PRMT7: variants seen among roughly 807,000 people sequenced by gnomAD.
PRMT7 encodes the protein protein arginine methyltransferase 7.
PRMT7 carries 75 observed loss-of-function variants against 85.4 expected under a neutral mutation model. That is an observed-to-expected ratio of 0.88 (90% CI 0.73 to 1.06). The LOEUF (loss-of-function observed/expected upper bound fraction) is 1.06. PRMT7 is among the 50% of genes least tolerant of loss of function. The pLI is 0.00. For synonymous variants in PRMT7, 397 were observed against 359.5 expected (o/e 1.10, Z -1.18); for missense variants, 868 against 915.2 (o/e 0.95, Z 0.67).
In PRMT7 at chr16:68,358,329, G is replaced by C. The variant is rs1420520398; in HGVS notation, c.*1105G>C. ...GAAATAAGTGGAGAACACCAGCCTT[G>C]AGCCTCACAGTTTTATTTTCTCCTC... On this transcript the variant is annotated 3_prime_UTR_variant, in exon 19 of 19. Coordinates refer to ENST00000441236, the MANE Select transcript of PRMT7 (RefSeq NM_019023.5). 6.5e-6 allele frequency: 1 copy of C among 152,754 alleles called. No individual in the cohort carries two copies. Among genetic ancestry groups the C allele is most frequent in the Non-Finnish European group, 1.5e-5 (1 of 68,046 alleles). 9.5% of individuals were successfully genotyped at this position (152,754 alleles called of 1,614,324 possible). A position where few individuals can be genotyped will look rare whatever the true frequency, so the allele number is the denominator to read the frequency against.
chr16:68,331,645 A>AT (rs1471692370), intron 6 of PRMT7, among the ~76,000 whole-genome samples: 9 of 150,642 alleles, frequency 6.0e-5, no homozygotes, highest in Non-Finnish European at 1.0e-4. Context: ...CTTAAAAAAA[A>AT]TTTTTTTTTG....
chr16:68,337,521 G>T lies in PRMT7; in HGVS notation c.454G>T (p.Gly152Trp). The T allele has an allele frequency of 6.2e-7, 1 of 1,611,780 alleles. No individual in the cohort carries two copies. The highest frequency in any genetic ancestry group is 8.5e-7 in the Non-Finnish European group (1 of 1,178,406). Reference sequence around the variant, plus strand: ...AGAGTTGTTTGACACAGAGCTGATCGGGGAGGGGGCGCTGCCCTCCTATGA... The same window carrying T: ...AGAGTTGTTTGACACAGAGCTGATCTGGGAGGGGGCGCTGCCCTCCTATGA... Reference protein sequence around the residue: ...VTELFDTELIGEGALPSYEHA... With the variant: ...VTELFDTELIWEGALPSYEHA... The change falls in exon 7 of 19, where the codon GGG becomes TGG. Residue 152 changes from glycine to tryptophan, a missense_variant. Coordinates refer to ENST00000441236, the MANE Select transcript of PRMT7 (RefSeq NM_019023.5).
At chr16:68,312,229 A>ATATATTT (rs1419393129) in intron 2 of PRMT7, 53 bp downstream of exon 2, 50 of 112,678 alleles carry the variant, frequency 4.4e-4, no homozygotes, top group Middle Eastern at 4.3e-3. Context: ...ATATATATAT[A>ATATATTT]TTTTTTTTTT....
intron 7 of PRMT7, among the ~76,000 whole-genome samples, chr16:68,337,860 T>G (rs970976990): frequency 6.6e-5 from 10 of 152,228 alleles, no homozygotes; most frequent in African/African-American, 2.2e-4. Flanking sequence ...TCTTGAGAAG[T>G]GATCAGGTGT....
intron 3 of PRMT7, among the ~76,000 whole-genome samples, chr16:68,319,974 G>T (rs1295827926): frequency 6.6e-6 from 1 of 152,100 alleles, no homozygotes. Context: ...CTACGGTATT[G>T]GTGAACTCTT....
chr16:68,334,476 C>G (rs2084365936), intron 6 of PRMT7, among the ~76,000 whole-genome samples: 1 of 152,170 alleles, frequency 6.6e-6, no homozygotes, highest in Admixed American at 6.5e-5. Context: ...TCTTGGTTCT[C>G]CTGTGTTGCT....
Position 68,339,409 on chromosome 16 carries a change from C to T in PRMT7, c.592C>T (p.Pro198Ser). The part of the protein sequence containing the change: ...GRMWSWNKLF[P>S]IHVQTSLGEQ... ...GATGTGGTCGTGGAACAAGCTATTTCCCATCCACGTGCAGACCAGCCTCGG... is the reference window on the plus strand; with the variant it reads ...GATGTGGTCGTGGAACAAGCTATTTTCCATCCACGTGCAGACCAGCCTCGG... Residue 198 changes from proline to serine, a missense_variant, in exon 8 of 19, where the codon CCC becomes TCC. Pro to Ser is a moderately conservative substitution (Grantham distance 74, BLOSUM62 -1). Transcript: ENST00000441236. 1 of 1,614,190 alleles carries T rather than the reference C, an allele frequency of 6.2e-7. No individual in the cohort carries two copies. Among genetic ancestry groups the T allele is most frequent in the East Asian group, 2.2e-5 (1 of 44,886 alleles).
intron 2 of PRMT7, among the ~76,000 whole-genome samples, chr16:68,313,024 C>T (rs1019736866): frequency 6.6e-6 from 1 of 152,110 alleles, no homozygotes; most frequent in African/African-American, 2.4e-5. Context: ...GGGGTTTCGC[C>T]ATGTTGGCCA....
At chr16:68,335,614 G>A (rs1055583683) in intron 6 of PRMT7, among the ~76,000 whole-genome samples, 15 of 150,826 alleles carry the variant, frequency 9.9e-5, no homozygotes, top group Non-Finnish European at 2.1e-4. Context: ...TCATCATCCC[G>A]ACCACCACCA....
chr16:68,319,283 C>T (rs559255411), intron 3 of PRMT7, among the ~76,000 whole-genome samples: 9 of 152,046 alleles, frequency 5.9e-5, no homozygotes, highest in East Asian at 3.9e-4. Context: ...AAGAAGGAAT[C>T]CCGGAATAGC....
intron 15 of PRMT7, chr16:68,352,710 G>C: frequency 8.8e-6 from 2 of 226,438 alleles, no homozygotes; most frequent in Admixed American, 5.6e-5. Flanking sequence ...GGCCTGCTCT[G>C]CTCTCATTAA....
rs752840301 is a variant in PRMT7 at position 68,356,688 on chromosome 16, C to T, written c.1812-13C>T. 13 of 1,607,080 alleles carry T rather than the reference C, an allele frequency of 8.1e-6. No individual in the cohort carries two copies. Among genetic ancestry groups the T allele is most frequent in the Non-Finnish European group, 1.1e-5 (13 of 1,176,468 alleles). On this transcript the variant is annotated splice_polypyrimidine_tract_variant and intron_variant, in intron 17 of 18. Coordinates refer to ENST00000441236, the MANE Select transcript of PRMT7 (RefSeq NM_019023.5). ...GTGTGACTACTTCTGCTGGGCCCCC[C>T]TCTCCTTGACAGGCCCGGGCAGAGC...
chr16:68,341,958 A>G (rs2151766787), intron 9 of PRMT7, among the ~76,000 whole-genome samples: 1 of 152,052 alleles, frequency 6.6e-6, no homozygotes, highest in South Asian at 2.1e-4. Flanking sequence ...TTTAAGTTTA[A>G]TTTTGGGGAA....
In PRMT7 at chr16:68,316,047, A is replaced by G; in HGVS notation, c.68A>G (p.His23Arg). Reference protein sequence around the residue: ...GSVEWLEEDEHYDYHQEIARS... With the variant: ...GSVEWLEEDERYDYHQEIARS... ...GTGGAGTGGCTGGAGGAGGATGAAC[A>G]CTATGATTACCACCAGGAGATTGCA... Residue 23 changes from histidine to arginine, a missense_variant, in exon 3 of 19, where the codon CAC becomes CGC. Transcript: ENST00000441236. 3.1e-6 allele frequency: 5 copies of G among 1,613,594 alleles called. No individual in the cohort carries two copies. The highest frequency in any genetic ancestry group is 2.7e-5 in the African/African-American group (2 of 75,028).
At chr16:68,319,344 G>A (rs1431551949) in intron 3 of PRMT7, among the ~76,000 whole-genome samples, 1 of 152,156 alleles carries the variant, frequency 6.6e-6, no homozygotes, top group Non-Finnish European at 1.5e-5. Flanking sequence ...AAGGAAGAAA[G>A]AGGGAGTGTG....
chr16:68,347,234 C>T lies in PRMT7; in HGVS notation c.1215C>T (p.Cys405=). The T allele has an allele frequency of 1.3e-6, 2 of 1,553,282 alleles. No homozygotes were observed. The highest frequency in any genetic ancestry group is 1.7e-6 in the Non-Finnish European group (2 of 1,147,498). Residue 405 remains cysteine, a synonymous_variant, in exon 12 of 19, where the codon TGC becomes TGT. Transcript: ENST00000441236. ...AGGTGCTGAAGCCAGACAGCGTGTG[C>T]CTGTGTGTCAGCGATGGCAGCCTGC... The part of the protein sequence containing the change: ...LRTVLKPDSV[C]LCVSDGSLLS...
At chr16:68,316,262 T>C (rs756255337) in intron 3 of PRMT7, 188 bp downstream of exon 3, 26 of 563,996 alleles carry the variant, frequency 4.6e-5, no homozygotes, top group Non-Finnish European at 2.9e-5. Flanking sequence ...TCATGCCTGT[T>C]TGGAGAGTCA....
intron 2 of PRMT7, 53 bp downstream of exon 2, chr16:68,312,229 A>ATATTTTTTTTT (rs1419393129): frequency 1.8e-5 from 2 of 112,694 alleles, no homozygotes; most frequent in African/African-American, 7.4e-5. Context: ...ATATATATAT[A>ATATTTTTTTTT]TTTTTTTTTT....
intron 14 of PRMT7, 152 bp from the exon 15 acceptor site, chr16:68,352,096 G>A: frequency 2.7e-6 from 2 of 737,306 alleles, no homozygotes; most frequent in South Asian, 1.8e-5. Flanking sequence ...GAGGGAGGGA[G>A]GGAATGAGTG....
Sources: gnomAD v4.1 joint callset for allele counts (sites outside exome capture counted in the v4.1 genomes callset) on GRCh38, gnomAD v4.1.1 for gene constraint, MANE v1.5 for transcripts, NCBI Gene and HGNC (gene_info 2026-07-23, HGNC 2026-07-21) for gene names.